ERBB4: variants seen among roughly 807,000 people sequenced by gnomAD.
ERBB4 encodes the protein erb-b2 receptor tyrosine kinase 4.
ERBB4 carries 42 observed loss-of-function variants against 158.0 expected under a neutral mutation model. The observed-to-expected ratio is 0.27, with a 90% confidence interval of 0.21 to 0.34. ERBB4 has a LOEUF of 0.34. Ranked by LOEUF, ERBB4 falls within the 10% of genes least tolerant of loss-of-function variation. The pLI, the probability that ERBB4 is intolerant of heterozygous loss-of-function variation, is 1.00. For missense variants in ERBB4, 1,333 were observed against 1,624.1 expected (o/e 0.82, Z 3.08); for synonymous variants, 583 against 558.7 (o/e 1.04, Z -0.61).
chr2:211,765,698 G>C (rs373760130), intron 4 of ERBB4, among the ~76,000 whole-genome samples: 7 of 152,278 alleles, frequency 4.6e-5, no homozygotes, highest in African/African-American at 1.7e-4. Flanking sequence ...AATAAAAATA[G>C]TTGGTATTTA....
chr2:211,597,304 G>A (rs1290037271), intron 19 of ERBB4, among the ~76,000 whole-genome samples: 2 of 152,138 alleles, frequency 1.3e-5, no homozygotes, highest in Non-Finnish European at 2.9e-5. Flanking sequence ...TTTCAAATTT[G>A]TTATAGCAAA....
chr2:212,428,163 T>C (rs1177317813), intron 1 of ERBB4, among the ~76,000 whole-genome samples: 1 of 152,142 alleles, frequency 6.6e-6, no homozygotes, highest in East Asian at 1.9e-4. Context: ...AAGAATGACA[T>C]ACAAATTGGG....
chr2:212,188,726 G>A (rs1424703002), intron 1 of ERBB4, among the ~76,000 whole-genome samples: 2 of 151,510 alleles, frequency 1.3e-5, no homozygotes, highest in Non-Finnish European at 2.9e-5. Flanking sequence ...TCAGAACTCA[G>A]TTTAAATACT....
intron 1 of ERBB4, among the ~76,000 whole-genome samples, chr2:212,203,441 C>T (rs984161868): frequency 1.3e-5 from 2 of 152,152 alleles, no homozygotes; most frequent in African/African-American, 2.4e-5. Context: ...GAGCTCAAGA[C>T]ACAATGAAGG....
At chr2:212,392,727 C>T (rs1438900439) in intron 1 of ERBB4, among the ~76,000 whole-genome samples, 2 of 152,020 alleles carry the variant, frequency 1.3e-5, no homozygotes, top group Non-Finnish European at 2.9e-5. Flanking sequence ...CTGTGCACAT[C>T]TTTTTTGTGC....
At chr2:211,556,871 C>T (rs529572594) in intron 20 of ERBB4, among the ~76,000 whole-genome samples, 1 of 152,210 alleles carries the variant, frequency 6.6e-6, no homozygotes, top group Non-Finnish European at 1.5e-5. Flanking sequence ...TACTACAGGG[C>T]TATGGTATCC....
chr2:211,472,415 G>A (rs2064849600), intron 20 of ERBB4, among the ~76,000 whole-genome samples: 1 of 150,988 alleles, frequency 6.6e-6, no homozygotes, highest in African/African-American at 2.4e-5. Context: ...AGACAGGGAT[G>A]TTAGGAAGAG....
chr2:212,086,649 G>A (rs2078623115), intron 2 of ERBB4, among the ~76,000 whole-genome samples: 1 of 151,738 alleles, frequency 6.6e-6, no homozygotes, highest in South Asian at 2.1e-4. Context: ...GAATAATTTG[G>A]GTATATTATC....
rs748948247 is a variant in ERBB4 at position 211,387,905 on chromosome 2, G to A, written c.3183+40C>T. 2.1e-5 allele frequency: 32 copies of A among 1,520,950 alleles called. 1 individual carries two copies. Among genetic ancestry groups the A allele is most frequent in the Middle Eastern group, 1.7e-4 (1 of 5,928 alleles). The allele number at this position is 1,520,950 out of a possible 1,614,324, so 94.2% of individuals were successfully genotyped here. A position where few individuals can be genotyped will look rare whatever the true frequency, so the allele number is the denominator to read the frequency against. ...AGAGGAAACATGGTAAGCAAAGACCGAAAATCCTAAAAGATGAAGGTTGAT... is the reference window on the plus strand; with the variant it reads ...AGAGGAAACATGGTAAGCAAAGACCAAAAATCCTAAAAGATGAAGGTTGAT... On this transcript the variant is annotated intron_variant, in intron 26 of 27. Coordinates refer to ENST00000342788, the MANE Select transcript of ERBB4 (RefSeq NM_005235.3).
At chr2:212,136,879 AT>A (rs1444415585) in intron 1 of ERBB4, among the ~76,000 whole-genome samples, 2 of 152,300 alleles carry the variant, frequency 1.3e-5, no homozygotes, top group South Asian at 4.1e-4. Flanking sequence ...ATAAAGCCTA[AT>A]CCAAGATCAC....
intron 1 of ERBB4, among the ~76,000 whole-genome samples, chr2:212,189,939 G>GTA (rs2082135852): frequency 6.6e-6 from 1 of 152,062 alleles, no homozygotes; most frequent in Non-Finnish European, 1.5e-5. Flanking sequence ...ACCATTTTAT[G>GTA]TATAATATTA....
intron 1 of ERBB4, among the ~76,000 whole-genome samples, chr2:212,524,844 T>G (rs924547232): frequency 1.3e-5 from 2 of 152,054 alleles, no homozygotes; most frequent in African/African-American, 4.8e-5. Flanking sequence ...GAAAAATTAT[T>G]TTTATATGTA....
At chr2:211,845,665 C>A (rs2077570943) in intron 3 of ERBB4, among the ~76,000 whole-genome samples, 1 of 152,082 alleles carries the variant, frequency 6.6e-6, no homozygotes, top group South Asian at 2.1e-4. Flanking sequence ...GTACATCCAA[C>A]TTTTGTAATG....
At chr2:212,475,589 C>G (rs192877153) in intron 1 of ERBB4, among the ~76,000 whole-genome samples, 3 of 152,132 alleles carry the variant, frequency 2.0e-5, no homozygotes, top group Non-Finnish European at 4.4e-5. Flanking sequence ...TAAGAATATG[C>G]TATTATTACC....
chr2:212,038,351 TTA>T (rs2077062706), intron 2 of ERBB4, among the ~76,000 whole-genome samples: 2 of 152,168 alleles, frequency 1.3e-5, no homozygotes, highest in South Asian at 4.2e-4. Context: ...TCTAACAACT[TTA>T]TAATTCTAGT....
At chr2:212,032,809 T>A (rs1213649587) in intron 2 of ERBB4, among the ~76,000 whole-genome samples, 2 of 151,918 alleles carry the variant, frequency 1.3e-5, no homozygotes, top group East Asian at 1.9e-4. Context: ...AGAGAGTGGT[T>A]CCTGAAATAA....
chr2:212,468,193 T>C (rs1388628343), intron 1 of ERBB4, among the ~76,000 whole-genome samples: 1 of 152,162 alleles, frequency 6.6e-6, no homozygotes, highest in Non-Finnish European at 1.5e-5. Flanking sequence ...GACTGTGAAC[T>C]TTTGAGTTAA....
chr2:212,301,407 A>G (rs1239849203), intron 1 of ERBB4, among the ~76,000 whole-genome samples: 2 of 151,530 alleles, frequency 1.3e-5, no homozygotes, highest in African/African-American at 4.8e-5. Context: ...ATTAAAGATT[A>G]GAGACCAATA....
intron 1 of ERBB4, among the ~76,000 whole-genome samples, chr2:212,380,017 T>C (rs1481722397): frequency 6.6e-6 from 1 of 151,578 alleles, no homozygotes; most frequent in Non-Finnish European, 1.5e-5. Flanking sequence ...GTTGTTCAAG[T>C]AGTAGGGCTA....
Sources: allele counts gnomAD v4.1 joint callset (sites outside exome capture counted in the v4.1 genomes callset), GRCh38; gene constraint gnomAD v4.1.1; transcripts MANE v1.5; gene names NCBI Gene and HGNC (gene_info 2026-07-23, HGNC 2026-07-21).